The following DHRS4L2 variants were observed in gnomAD, a reference collection of about 807,000 sequenced individuals.
The protein encoded by DHRS4L2 is dehydrogenase/reductase SDR family member 4-like 2.
DHRS4L2 carries 22 observed loss-of-function variants against 23.9 expected under a neutral mutation model. The observed-to-expected ratio is 0.92, with a 90% CI of 0.66 to 1.31. The LOEUF is 1.31. Ranked by LOEUF, DHRS4L2 falls within the 40% of genes most tolerant of loss-of-function variation. The pLI, the probability that DHRS4L2 is intolerant of heterozygous loss-of-function variation, is 0.00. For synonymous variants in DHRS4L2, 141 were observed against 123.7 expected (o/e 1.14, Z -0.93); for missense variants, 385 against 303.3 (o/e 1.27, Z -2.00).
intron 5 of DHRS4L2, 28 bp from the exon 6 acceptor site, chr14:24,001,356 A>G (rs2034484954): frequency 6.3e-7 from 1 of 1,594,898 alleles, no homozygotes; most frequent in South Asian, 1.1e-5. Flanking sequence ...GGAAACTATG[A>G]GTCTAACACA....
chr14:23,986,788 G>A (rs1275342324), upstream of DHRS4L2, among the ~76,000 whole-genome samples: 1 of 151,210 alleles, frequency 6.6e-6, no homozygotes, highest in Non-Finnish European at 1.5e-5. Flanking sequence ...CCCCGCAGCA[G>A]TCCTCCTGTG....
Position 23,972,842 on chromosome 14 carries a change from T to C in DHRS4L2, c.-176+2510T>C, listed in dbSNP as rs546597510. ...GAAGGTCAGCAACAAACGTGAGCAA[T>C]AGAATCTACATCATAATTCAGTTCA... On this transcript the variant is annotated intron_variant, in intron 1 of 5. Coordinates refer to the DHRS4L2 transcript ENST00000534993. Among the ~76,000 whole-genome samples, 5 of 151,434 alleles carry C rather than the reference T, an allele frequency of 3.3e-5. No homozygotes were observed. The East Asian group carries it at 5.8e-4, about 18-fold the overall frequency.
intron 1 of DHRS4L2, among the ~76,000 whole-genome samples, chr14:23,978,459 A>G (rs2034007217): frequency 1.0e-5 from 1 of 99,336 alleles, no homozygotes; most frequent in East Asian, 4.8e-4. Flanking sequence ...GAACAGCTCC[A>G]GTCTGCAGCT....
chr14:23,995,400 T>C (rs537498308), intron 3 of DHRS4L2, among the ~76,000 whole-genome samples: 4 of 151,936 alleles, frequency 2.6e-5, no homozygotes, highest in African/African-American at 9.6e-5. Flanking sequence ...TTCCCTGGCA[T>C]GCTCTTCTGC....
chr14:23,990,271 T>C lies in DHRS4L2; in HGVS notation c.218T>C (p.Val73Ala), dbSNP rs1044354435. ...AAGCAGCAGAATGTGGACCAGGCGG[T>C]GGCCACGCTGCAGGGGGAGGGGCTG... ...SRKQQNVDQA[V>A]ATLQGEGLSV... Residue 73 changes from valine (V) to alanine (A), a missense_variant, in exon 2 of 8, where the codon GTG becomes GCG. By Grantham distance (64) the Val-to-Ala change is moderately conservative (BLOSUM62 0). Coordinates refer to ENST00000335125, the MANE Select transcript of DHRS4L2 (RefSeq NM_198083.4). 6.2e-7 allele frequency: 1 copy of C among 1,612,454 alleles called. No individual in the cohort carries two copies. The highest frequency in any genetic ancestry group is 1.3e-5 in the African/African-American group (1 of 74,806).
upstream of DHRS4L2, among the ~76,000 whole-genome samples, chr14:23,984,515 G>A (rs2008661): frequency 0.094 from 14,204 of 151,354 alleles, 968 homozygotes; most frequent in East Asian, 0.24. Context: ...TAAAACACCC[G>A]ACCGGGCGCA....
intron 1 of DHRS4L2, among the ~76,000 whole-genome samples, chr14:23,982,702 G>A (rs1417628321): frequency 1.3e-5 from 2 of 151,050 alleles, no homozygotes; most frequent in East Asian, 3.9e-4. Context: ...AAGCAATGGG[G>A]AAAGGATTCC....
At chr14:23,976,766 A>G (rs1344376286) in intron 1 of DHRS4L2, among the ~76,000 whole-genome samples, 2 of 151,932 alleles carry the variant, frequency 1.3e-5, no homozygotes, top group Non-Finnish European at 2.9e-5. Context: ...ATGGAATACT[A>G]TGCAGCCATA....
rs1174196076 is a variant in DHRS4L2 at position 23,974,865 on chromosome 14, T to A, written c.-176+4533T>A. ...TTCCTTCTGAAACTATACCGATCAA[T>A]AGAAAAAGAAAGAATCCTCCCTAAC... On this transcript the variant is annotated intron_variant, in intron 1 of 5. Coordinates refer to the DHRS4L2 transcript ENST00000534993. 2.6e-5 allele frequency among the ~76,000 whole-genome samples: 4 copies of A among 151,672 alleles called. No individual in the cohort carries two copies. The East Asian group carries it at 7.7e-4, about 29-fold the overall frequency.
intron 1 of DHRS4L2, among the ~76,000 whole-genome samples, chr14:23,972,934 G>A (rs1457134735): frequency 7.9e-5 from 12 of 152,020 alleles, no homozygotes; most frequent in South Asian, 2.1e-4. Flanking sequence ...CAAACATGTC[G>A]GTGGAGTAAA....
At chr14:23,990,592 G>C (rs2034250000) in intron 2 of DHRS4L2, among the ~76,000 whole-genome samples, 1 of 151,360 alleles carries the variant, frequency 6.6e-6, no homozygotes. Context: ...TACTGGTTCT[G>C]CAGTAATTTT....
chr14:23,993,696 T>G (rs1171708159), intron 2 of DHRS4L2, among the ~76,000 whole-genome samples: 5 of 151,718 alleles, frequency 3.3e-5, no homozygotes, highest in Non-Finnish European at 7.4e-5. Context: ...TTTCTCAATT[T>G]AAATTTCAGT....
chr14:23,987,460 G>T (rs116992300), upstream of DHRS4L2, among the ~76,000 whole-genome samples: 138 of 151,608 alleles, frequency 9.1e-4, 6 homozygotes, highest in Non-Finnish European at 1.4e-3. Flanking sequence ...CTGCTCAGCT[G>T]ACCTGCACAT....
chr14:23,994,876 T>C (rs1210114819), intron 2 of DHRS4L2, among the ~76,000 whole-genome samples, 156 bp from the exon 3 acceptor site: 5 of 151,672 alleles, frequency 3.3e-5, no homozygotes, highest in African/African-American at 1.2e-4. Context: ...CTCAAATTCC[T>C]CAGCTCAAGT....
At chr14:23,988,747 C>A, upstream of DHRS4L2, 1 of 1,377,522 alleles carries the variant, frequency 7.3e-7, no homozygotes, top group South Asian at 1.6e-5. Context: ...GAAGGCAAGC[C>A]CCAGTCAGGC....
intron 1 of DHRS4L2, among the ~76,000 whole-genome samples, chr14:23,989,494 T>G (rs1245434080): frequency 6.6e-6 from 1 of 151,560 alleles, no homozygotes; most frequent in Non-Finnish European, 1.5e-5. Flanking sequence ...CCCCTCCCCC[T>G]TACCTAGATG....
At chr14:23,970,964 A>T (rs1263423412) in intron 1 of DHRS4L2, among the ~76,000 whole-genome samples, 3 of 152,106 alleles carry the variant, frequency 2.0e-5, no homozygotes, top group Non-Finnish European at 4.4e-5. Context: ...AGAATAGCAA[A>T]GGACATCCAC....
At chr14:23,973,439 C>T (rs540359404) in intron 1 of DHRS4L2, among the ~76,000 whole-genome samples, 11 of 152,064 alleles carry the variant, frequency 7.2e-5, no homozygotes, top group Admixed American at 1.3e-4. Context: ...TCCCACAGTG[C>T]AGCGGCGGGC....
upstream of DHRS4L2, chr14:23,988,804 G>A (rs2002590): frequency 0.088 from 123,467 of 1,401,132 alleles, 8,451 homozygotes; most frequent in East Asian, 0.26. Context: ...GCGGCGGGAG[G>A]CGCCAACCGC....
Sources: allele counts gnomAD v4.1 joint callset (sites outside exome capture counted in the v4.1 genomes callset), GRCh38; gene constraint gnomAD v4.1.1; transcripts MANE v1.5; gene names NCBI Gene and HGNC (gene_info 2026-07-23, HGNC 2026-07-21).